Variants in IGF2R observed in about 807,000 individuals in gnomAD.
IGF2R encodes the protein insulin like growth factor 2 receptor.
Under a neutral mutation model 270.6 loss-of-function variants are expected in IGF2R, and 91 were observed. The ratio of observed to expected loss-of-function variants is 0.34; its 90% CI spans 0.28 to 0.40. The LOEUF (loss-of-function observed/expected upper bound fraction) is 0.40, where lower values mean the gene tolerates loss of function less well. IGF2R is among the 10% of genes least tolerant of loss of function. The probability of loss-of-function intolerance (pLI) is 1.00; values close to 1 mark genes in which losing one functional copy is unlikely to be tolerated. For missense variants in IGF2R, 2,805 were observed against 3,188.3 expected, an observed-to-expected ratio of 0.88 and a Z score of 2.90; for synonymous variants, 1,316 against 1,258.9, an observed-to-expected ratio of 1.05 and a Z score of -0.96.
At chr6:160,041,194 G>T (rs1401799202) in intron 11 of IGF2R, among the ~76,000 whole-genome samples, 3 of 152,126 alleles carry the variant, frequency 2.0e-5, no homozygotes, top group Non-Finnish European at 4.4e-5. Context: ...CTGGAATTTA[G>T]CAGGAAACAG....
intron 2 of IGF2R, among the ~76,000 whole-genome samples, chr6:159,996,887 C>T (rs1023738854): frequency 6.6e-5 from 10 of 152,152 alleles, no homozygotes; most frequent in Non-Finnish European, 7.4e-5. Flanking sequence ...CAGTGGAAGT[C>T]GTGCAAGTCC....
At chr6:159,990,542 C>T (rs1783961114) in intron 1 of IGF2R, among the ~76,000 whole-genome samples, 1 of 152,168 alleles carries the variant, frequency 6.6e-6, no homozygotes, top group South Asian at 2.1e-4. Flanking sequence ...ATAAATTACC[C>T]AGTCTTGAGT....
Position 160,047,331 on chromosome 6 carries a change from T to C in IGF2R, c.2224T>C (p.Tyr742His), listed in dbSNP as rs1778092146. Residue 742 changes from tyrosine to histidine, a missense_variant, in exon 16 of 48, where the codon TAT (tyrosine) becomes CAT (histidine). Tyr to His is a moderately conservative substitution (Grantham distance 83, BLOSUM62 2). Coordinates refer to ENST00000356956, the MANE Select transcript of IGF2R (RefSeq NM_000876.4). ...AGACGCGGGAGTGGGCTTCCCTGAA[T>C]ATCAGGTAGGAATGTTTGTTCCTCA... Reference protein sequence around the residue: ...DRDAGVGFPEYQEEDNSTYNF... With the variant: ...DRDAGVGFPEHQEEDNSTYNF... 6.3e-7 allele frequency: 1 copy of C among 1,588,710 alleles called. No homozygotes were observed. The highest frequency in any genetic ancestry group is 8.5e-7 in the Non-Finnish European group (1 of 1,169,744).
intron 44 of IGF2R, chr6:160,093,735 G>A: frequency 1.3e-6 from 1 of 758,274 alleles, no homozygotes; most frequent in South Asian, 1.3e-5. Flanking sequence ...CCACTCAACA[G>A]CCGAAGCAAC....
intron 1 of IGF2R, among the ~76,000 whole-genome samples, chr6:159,980,357 G>A (rs1167914247): frequency 1.3e-5 from 2 of 152,116 alleles, no homozygotes; most frequent in African/African-American, 4.8e-5. Flanking sequence ...GGCTGCGATG[G>A]AGATAGCATG....
In IGF2R at chr6:160,048,398, T is replaced by C; in HGVS notation, c.2369T>C (p.Leu790Pro). Residue 790 changes from leucine (L) to proline (P), a missense_variant, in exon 18 of 48, where the codon CTT (leucine) becomes CCT (proline). Leu to Pro is a moderately conservative substitution (Grantham distance 98). This residue lies in a region of IGF2R where 1,851 missense variants were observed against 2,207.2 expected (regional missense o/e 0.84). Transcript: ENST00000356956. ...LSSLAKSEGG[L>P]GGNWYAMDNS... ...AGTCTGGCAAAATCTGAAGGTGGCC[T>C]TGGAGGAAACTGGTATGCCATGGAC... is the stretch of plus-strand genomic sequence containing the variant. 6.2e-7 allele frequency: 1 copy of C among 1,614,236 alleles called. No individual in the cohort carries two copies. The highest frequency in any genetic ancestry group is 2.2e-5 in the East Asian group (1 of 44,886).
At chr6:159,992,317 C>T (rs1400788449) in intron 2 of IGF2R, among the ~76,000 whole-genome samples, 5 of 152,072 alleles carry the variant, frequency 3.3e-5, no homozygotes, top group African/African-American at 4.8e-5. Context: ...TTTTAATACC[C>T]GTCACCCGAA....
At chr6:160,047,059 T>C in intron 15 of IGF2R, 100 bp from the exon 16 acceptor site, 1 of 1,101,250 alleles carries the variant, frequency 9.1e-7, no homozygotes, top group South Asian at 1.3e-5. Context: ...CTGGTTCTGG[T>C]GACTCCTCAC....
At chr6:160,068,191 C>A in intron 29 of IGF2R, 58 bp from the exon 30 acceptor site, 2 of 1,587,660 alleles carry the variant, frequency 1.3e-6, no homozygotes, top group East Asian at 2.3e-5. Context: ...GACAGAGTGC[C>A]CAATGTTTAA....
intron 15 of IGF2R, 92 bp from the exon 16 acceptor site, chr6:160,047,067 C>A: frequency 8.3e-7 from 1 of 1,202,822 alleles, no homozygotes. Context: ...GGTGACTCCT[C>A]ACGTCGCTCA....
At chr6:159,981,303 G>A (rs1783798284) in intron 1 of IGF2R, among the ~76,000 whole-genome samples, 2 of 151,918 alleles carry the variant, frequency 1.3e-5, no homozygotes, top group African/African-American at 4.8e-5. Flanking sequence ...AAGTGTGTGT[G>A]TCTGAGTGTC....
chr6:160,029,500 G>T, intron 6 of IGF2R, 50 bp from the exon 7 acceptor site: 5 of 1,191,752 alleles, frequency 4.2e-6, no homozygotes, highest in Non-Finnish European at 6.3e-6. Flanking sequence ...TATGAATTTG[G>T]ATGTACTTTA....
intron 19 of IGF2R, among the ~76,000 whole-genome samples, chr6:160,051,930 G>A (rs1778206257): frequency 6.6e-6 from 1 of 151,794 alleles, no homozygotes; most frequent in Non-Finnish European, 1.5e-5. Flanking sequence ...CTGCAGCCTG[G>A]GAGACAAAGC....
intron 18 of IGF2R, 91 bp downstream of exon 18, chr6:160,048,634 G>C (rs766498314): frequency 6.7e-6 from 9 of 1,344,528 alleles, no homozygotes; most frequent in Non-Finnish European, 9.2e-6. Flanking sequence ...CCAGATCAAA[G>C]GCAGCACAGC....
chr6:160,069,806 G>C, intron 30 of IGF2R, 62 bp from the exon 31 acceptor site: 2 of 1,487,318 alleles, frequency 1.3e-6, no homozygotes, highest in South Asian at 2.3e-5. Flanking sequence ...ATTGCCTGAT[G>C]AAGTTCTGTT....
Position 159,998,460 on chromosome 6 carries a change from T to G in IGF2R, c.289+7137T>G, listed in dbSNP as rs1784083530. Among the ~76,000 whole-genome samples, 1 of 152,058 alleles carries G rather than the reference T, an allele frequency of 6.6e-6. No individual in the cohort carries two copies. Among genetic ancestry groups the G allele is most frequent in the Non-Finnish European group, 1.5e-5 (1 of 68,016 alleles). Reference sequence around the variant, plus strand: ...TTGTAGGGAGTGGATCCATTACAGATCTTTTGTGATGGTAACGGGGAGGTG... The same window carrying G: ...TTGTAGGGAGTGGATCCATTACAGAGCTTTTGTGATGGTAACGGGGAGGTG... On this transcript the variant is annotated intron_variant, in intron 2 of 47. Transcript: ENST00000356956. The surrounding 1 kb of genome is among the most constrained non-coding windows in gnomAD (Gnocchi z 4.1).
rs1180963771 is a variant in IGF2R, at chr6:160,047,793, A to G, written c.2231A>G (p.Glu744Gly). ...DAGVGFPEYQ[E>G]EDNSTYNFRW... Reference sequence around the variant, plus strand: ...CTCCGCGCATCTGCCGTGGATTAGGAAGAGGATAACTCCACCTACAACTTC... The same window carrying G: ...CTCCGCGCATCTGCCGTGGATTAGGGAGAGGATAACTCCACCTACAACTTC... Residue 744 changes from glutamate to glycine, a missense_variant and splice_region_variant, in exon 17 of 48, where the codon GAA becomes GGA. Transcript: ENST00000356956. 1 of 1,598,492 alleles carries G rather than the reference A, an allele frequency of 6.3e-7. No homozygotes were observed.
rs200666137 is a variant in IGF2R, at chr6:160,050,578, G to A, written c.2620G>A (p.Ala874Thr). The A allele has an allele frequency of 6.5e-5, 105 of 1,614,064 alleles. No homozygotes were observed. In the Middle Eastern group the frequency reaches 1.2e-3, roughly 18 times the overall value. Residue 874 changes from alanine to threonine, a missense_variant, in exon 19 of 48, where the codon GCC (alanine) becomes ACC (threonine). Physicochemically the swap from Ala to Thr is moderately conservative, Grantham distance 58 (BLOSUM62 0). Around this residue, in one of 2 missense-constraint regions of IGF2R, gnomAD observed 1,851 missense variants for 2,207.2 expected, o/e 0.84. Transcript: ENST00000356956. This position sits in a 1 kb window ranked among gnomAD's most constrained non-coding sequence, Gnocchi z 4.0. ...SLLLEYVNGS[A>T]CTTSDGRQTT... ...CCTTCTGGAATACGTGAATGGGTCGGCCTGCACCACCAGCGATGGCAGACA... is the reference window on the plus strand; with the variant it reads ...CCTTCTGGAATACGTGAATGGGTCGACCTGCACCACCAGCGATGGCAGACA...
chr6:160,098,553 T>A (rs140470675), intron 45 of IGF2R, among the ~76,000 whole-genome samples: 2 of 152,256 alleles, frequency 1.3e-5, no homozygotes, highest in East Asian at 3.9e-4. Flanking sequence ...ACGCGGTGGC[T>A]CACGCTTGTA....
Sources: gnomAD v4.1 joint callset for allele counts (sites outside exome capture counted in the v4.1 genomes callset) on GRCh38, gnomAD v4.1.1 for gene constraint, gnomAD v4.1.1 regional missense constraint, Gnocchi (gnomAD v3.1) non-coding constraint, MANE v1.5 for transcripts, NCBI Gene and HGNC (gene_info 2026-07-23, HGNC 2026-07-21) for gene names.